TRPA1: variants seen among roughly 807,000 people sequenced by gnomAD.
The protein encoded by TRPA1 is ankyrin-like with transmembrane domains 1.
TRPA1 carries 129 observed loss-of-function variants against 131.3 expected under a neutral mutation model. That is an observed-to-expected ratio of 0.98 (90% CI 0.85 to 1.14). The LOEUF (loss-of-function observed/expected upper bound fraction) is 1.14, where lower values mean the gene tolerates loss of function less well. TRPA1 is among the 50% of genes most tolerant of loss of function. The pLI is 0.00. For synonymous variants in TRPA1, 441 were observed against 451.7 expected, an observed-to-expected ratio of 0.98 and a Z score of 0.30; for missense variants, 1,304 against 1,354.2, an observed-to-expected ratio of 0.96 and a Z score of 0.58.
chr8:72,082,846 T>A, the TRPA1 span, among the ~76,000 whole-genome samples: 74 of 152,152 alleles, frequency 4.9e-4, no homozygotes, highest in African/African-American at 1.7e-3. Context: ...ATACTTTTTT[T>A]TTCAAATTTG....
chr8:72,069,380 T>A (rs1309920691), intron 2 of TRPA1, among the ~76,000 whole-genome samples, 182 bp from the exon 3 acceptor site: 1 of 152,220 alleles, frequency 6.6e-6, no homozygotes, highest in East Asian at 1.9e-4. Flanking sequence ...AGTGGGAATA[T>A]ATAGAAGCAT....
intron 9 of TRPA1, 134 bp from the exon 10 acceptor site, chr8:72,057,151 G>A: frequency 1.4e-6 from 1 of 702,540 alleles, no homozygotes; most frequent in Non-Finnish European, 2.4e-6. Context: ...ATTGTGTTTA[G>A]ATGAGAAAAC....
chr8:72,037,948 T>C (rs1439385729), intron 20 of TRPA1, 35 bp downstream of exon 20: 2 of 1,250,202 alleles, frequency 1.6e-6, no homozygotes, highest in Non-Finnish European at 2.3e-6. Context: ...TATGAAAATA[T>C]GTGCAACTTT....
At chr8:72,075,847 A>G (rs368819061), upstream of TRPA1, among the ~76,000 whole-genome samples, 37 of 133,416 alleles carry the variant, frequency 2.8e-4, no homozygotes, top group African/African-American at 9.5e-4. Context: ...CTGCCCCCCA[A>G]CCTTGCATGT....
intron 18 of TRPA1, 150 bp from the exon 19 acceptor site, chr8:72,039,177 T>A: frequency 1.3e-6 from 1 of 782,052 alleles, no homozygotes; most frequent in Non-Finnish European, 2.1e-6. Flanking sequence ...CTAATTCACC[T>A]TTTTCATTTT....
upstream of TRPA1, among the ~76,000 whole-genome samples, chr8:72,077,433 A>G (rs1806210962): frequency 6.6e-6 from 1 of 152,310 alleles, no homozygotes; most frequent in South Asian, 2.1e-4. Context: ...TCTCTACCCC[A>G]CTGACATTCT....
intron 17 of TRPA1, among the ~76,000 whole-genome samples, chr8:72,040,854 A>G (rs751085879): frequency 2.0e-5 from 3 of 152,100 alleles, no homozygotes; most frequent in South Asian, 2.1e-4. Flanking sequence ...CAAAATGGCA[A>G]TAGTAAGTCC....
rs1035492918 is a variant in TRPA1 at position 72,063,702 on chromosome 8, T to A, written c.553-131A>T. 1.7e-5 allele frequency: 11 copies of A among 659,958 alleles called. No homozygotes were observed. In the African/African-American group the frequency reaches 2.0e-4, roughly 12 times the overall value. The allele number at this position is 659,958 out of a possible 1,614,324, so 40.9% of individuals were successfully genotyped here. A position where few individuals can be genotyped will look rare whatever the true frequency, so the allele number is the denominator to read the frequency against. On this transcript the variant is annotated intron_variant, in intron 4 of 26. Coordinates refer to ENST00000262209, the MANE Select transcript of TRPA1 (RefSeq NM_007332.3). ...ATGTAAAAGTACATAGAGAGCTTCA[T>A]ATGTTATGAAATCTAGGCAAGAAGG...
At chr8:72,050,107 C>A (rs779640614) in intron 15 of TRPA1, among the ~76,000 whole-genome samples, 7 of 152,044 alleles carry the variant, frequency 4.6e-5, no homozygotes, top group South Asian at 2.1e-4. Flanking sequence ...CCCCACCCCA[C>A]GACAGGCCCC....
At chr8:72,067,663 A>G (rs1305931360) in intron 3 of TRPA1, among the ~76,000 whole-genome samples, 1 of 152,216 alleles carries the variant, frequency 6.6e-6, no homozygotes, top group Non-Finnish European at 1.5e-5. Context: ...CTTCAGAGGG[A>G]GCACAGAGCT....
intron 3 of TRPA1, among the ~76,000 whole-genome samples, chr8:72,067,247 G>A (rs999501148): frequency 6.6e-5 from 10 of 152,118 alleles, no homozygotes; most frequent in South Asian, 2.1e-4. Flanking sequence ...GGAGAGGCAC[G>A]TAGAAAAGAT....
rs536370586 is a variant in TRPA1, at chr8:72,071,595, A to G, written c.268+116T>C. The stretch of plus-strand genomic sequence containing the variant: ...GAAAACCCACAATTCTAAGTGAAAT[A>G]TATAGGCTCTTTATAATTAGCACTA... On this transcript the variant is annotated intron_variant, in intron 2 of 26. Coordinates refer to ENST00000262209, the MANE Select transcript of TRPA1 (RefSeq NM_007332.3). The G allele has an allele frequency of 1.1e-4, 131 of 1,189,520 alleles. 1 individual carries two copies. In the East Asian group the frequency reaches 1.9e-3, roughly 17 times the overall value. The allele number at this position is 1,189,520 out of a possible 1,614,324, so 73.7% of individuals were successfully genotyped here.
intron 16 of TRPA1, 28 bp downstream of exon 16, chr8:72,047,120 T>A: frequency 2.0e-6 from 3 of 1,517,846 alleles, no homozygotes; most frequent in Non-Finnish European, 2.7e-6. Context: ...AAAATAAATT[T>A]CAGATAATGA....
intron 4 of TRPA1, among the ~76,000 whole-genome samples, chr8:72,063,788 C>T (rs1805866203): frequency 3.9e-5 from 6 of 152,090 alleles, no homozygotes; most frequent in Admixed American, 3.9e-4. Flanking sequence ...AAAGAAGTAA[C>T]AATGTAGACA....
At position 72,023,816 on chromosome 8, in the gene TRPA1, G is replaced by C; in HGVS notation, c.3147C>G (p.Tyr1049Ter). The change falls in exon 26 of 27, where the codon TAC becomes TAG. Residue 1049 changes from tyrosine to a stop codon, truncating the protein, a stop_gained and splice_region_variant. Coordinates refer to ENST00000262209, the MANE Select transcript of TRPA1 (RefSeq NM_007332.3). LOFTEE classifies it high-confidence loss of function. ...CAGATAGAAGGAAAAATACATACCG[G>C]TATTTCTGCTTTAATATTTCCATTT... Reference protein sequence around the residue: ...SLEMEILKQKYRLKDLTFLLE... With the variant: ...SLEMEILKQK 1 of 1,523,942 alleles carries C rather than the reference G, an allele frequency of 6.6e-7. No individual in the cohort carries two copies. Among genetic ancestry groups the C allele is most frequent in the Admixed American group, 1.7e-5 (1 of 59,790 alleles). The allele number at this position is 1,523,942 out of a possible 1,614,324, so 94.4% of individuals were successfully genotyped here. A position where few individuals can be genotyped will look rare whatever the true frequency, so the allele number is the denominator to read the frequency against.
chr8:72,031,481 G>A (rs1211528372), intron 23 of TRPA1, among the ~76,000 whole-genome samples: 1 of 151,960 alleles, frequency 6.6e-6, no homozygotes, highest in African/African-American at 2.4e-5. Context: ...GGTAGGCTGA[G>A]GTGGGAGGAT....
the TRPA1 span, among the ~76,000 whole-genome samples, chr8:72,089,298 G>C: frequency 1.3e-5 from 2 of 151,890 alleles, no homozygotes; most frequent in African/African-American, 2.4e-5. Context: ...ACAATTTAAG[G>C]TACTTATTAA....
intron 15 of TRPA1, among the ~76,000 whole-genome samples, chr8:72,047,779 A>G (rs112911861): frequency 6.6e-6 from 1 of 152,248 alleles, no homozygotes; most frequent in African/African-American, 2.4e-5. Flanking sequence ...TCCCATCCTT[A>G]TGATGCCTCA....
At chr8:72,040,584 C>T (rs983855194) in intron 17 of TRPA1, among the ~76,000 whole-genome samples, 2 of 152,108 alleles carry the variant, frequency 1.3e-5, no homozygotes, top group Admixed American at 1.3e-4. Flanking sequence ...AAGAGTGGAA[C>T]ATATCCACTA....
Sources: gnomAD v4.1 joint callset for allele counts (sites outside exome capture counted in the v4.1 genomes callset) on GRCh38, gnomAD v4.1.1 for gene constraint, MANE v1.5 for transcripts, NCBI Gene and HGNC (gene_info 2026-07-23, HGNC 2026-07-21) for gene names.